Variants in ACO2 observed in about 807,000 individuals in gnomAD.
ACO2 encodes the protein aconitate hydratase, mitochondrial.
A neutral mutation model predicts 84.5 loss-of-function variants in ACO2; 31 were observed. That is an observed-to-expected ratio of 0.37 (90% CI 0.28 to 0.50). ACO2 has a LOEUF of 0.50. Among genes scored for constraint, ACO2 ranks in the 20% least tolerant of loss-of-function variants. The probability of loss-of-function intolerance (pLI) is 0.97; values close to 1 mark genes in which losing one functional copy is unlikely to be tolerated. For synonymous variants in ACO2, 414 were observed against 412.7 expected (o/e 1.00, Z -0.04); for missense variants, 685 against 1,029.3 (o/e 0.67, Z 4.58).
At chr22:41,508,475 C>G (rs1207839853) in intron 3 of ACO2, among the ~76,000 whole-genome samples, 2 of 152,152 alleles carry the variant, frequency 1.3e-5, no homozygotes, top group Non-Finnish European at 2.9e-5. Context: ...GGTAGGCGTG[C>G]TAGGGTCACT....
chr22:41,477,329 AT>A (rs1291030951), intron 1 of ACO2, among the ~76,000 whole-genome samples: 157 of 139,996 alleles, frequency 1.1e-3, no homozygotes, highest in Admixed American at 1.8e-3. Flanking sequence ...AATTTTTTGT[AT>A]TTTTTTTTTT....
At chr22:41,498,529 G>A (rs2066331379) in intron 1 of ACO2, among the ~76,000 whole-genome samples, 1 of 152,196 alleles carries the variant, frequency 6.6e-6, no homozygotes, top group Admixed American at 6.5e-5. Flanking sequence ...CTAGCCATCT[G>A]ACGGGTTGAA....
chr22:41,472,996 T>C (rs908146300), intron 1 of ACO2, among the ~76,000 whole-genome samples: 1 of 152,232 alleles, frequency 6.6e-6, no homozygotes, highest in Admixed American at 6.5e-5. Flanking sequence ...CTCTGTGCCA[T>C]GTTAAAATAA....
intron 9 of ACO2, 82 bp downstream of exon 9, chr22:41,520,358 A>C (rs1158374281): frequency 9.5e-7 from 1 of 1,047,272 alleles, no homozygotes; most frequent in African/African-American, 1.6e-5. Flanking sequence ...ACCTATGCCT[A>C]CTGTGTGGCA....
At chr22:41,511,173 T>C (rs1302416575) in intron 3 of ACO2, among the ~76,000 whole-genome samples, 1 of 152,082 alleles carries the variant, frequency 6.6e-6, no homozygotes, top group African/African-American at 2.4e-5. Context: ...TTATTTATTT[T>C]ATTCTTATTT....
intron 1 of ACO2, among the ~76,000 whole-genome samples, chr22:41,476,553 G>GA (rs2038016320): frequency 6.7e-6 from 1 of 149,956 alleles, no homozygotes; most frequent in Non-Finnish European, 1.5e-5. Flanking sequence ...ACTAAAAATA[G>GA]AAAAAAATTA....
intron 1 of ACO2, among the ~76,000 whole-genome samples, chr22:41,474,141 G>C (rs974126146): frequency 6.6e-6 from 1 of 151,978 alleles, no homozygotes; most frequent in African/African-American, 2.4e-5. Context: ...TGGAGATAAT[G>C]AGATGTATTC....
intron 3 of ACO2, among the ~76,000 whole-genome samples, chr22:41,509,413 C>G (rs2066417892): frequency 1.3e-5 from 2 of 152,040 alleles, no homozygotes; most frequent in African/African-American, 4.8e-5. Flanking sequence ...TGGGTGTGGA[C>G]ACTAAACAAT....
intron 2 of ACO2, among the ~76,000 whole-genome samples, chr22:41,502,400 C>T (rs2066359572): frequency 6.6e-6 from 1 of 152,170 alleles, no homozygotes; most frequent in Non-Finnish European, 1.5e-5. Context: ...ATGTGAGAAG[C>T]ACTGGCCCGT....
At position 41,515,596 on chromosome 22, in the gene ACO2, C is replaced by G; in HGVS notation, c.684+61C>G. 6.3e-7 allele frequency: 1 copy of G among 1,576,646 alleles called. No homozygotes were observed. The highest frequency in any genetic ancestry group is 2.2e-5 in the East Asian group (1 of 44,498). On this transcript the variant is annotated intron_variant, in intron 5 of 17. Transcript: ENST00000216254. This position sits in a 1 kb window ranked among gnomAD's most constrained non-coding sequence, Gnocchi z 5.8. ...TGGGGTGGTGGTTGGTGGGGATGAACGGGAGACGGTGGGACCCAGGAGGGA... is the reference window on the plus strand; with the variant it reads ...TGGGGTGGTGGTTGGTGGGGATGAAGGGGAGACGGTGGGACCCAGGAGGGA...
chr22:41,528,175 T>A, intron 17 of ACO2, 153 bp downstream of exon 17: 1 of 1,245,848 alleles, frequency 8.0e-7, no homozygotes, highest in South Asian at 1.5e-5. Context: ...GAAAGCAAAG[T>A]GGCTTCTCAG....
At chr22:41,527,603 C>T in intron 16 of ACO2, 183 bp downstream of exon 16, 5 of 906,252 alleles carry the variant, frequency 5.5e-6, no homozygotes, top group Admixed American at 2.9e-5. Context: ...TTCCCGGCTT[C>T]CCGCAGGCCC....
At chr22:41,497,314 C>T (rs756170809) in intron 1 of ACO2, among the ~76,000 whole-genome samples, 3 of 152,158 alleles carry the variant, frequency 2.0e-5, no homozygotes, top group Non-Finnish European at 2.9e-5. Flanking sequence ...GGCGATCCAC[C>T]TGCCTCAGCC....
rs190805615 is a variant in ACO2 at position 41,509,191 on chromosome 22, A to G, written c.432+1142A>G. Reference sequence around the variant, plus strand: ...GCAGCCCTGGGGACAGCTGCCCACAACAGGGCTGCTACCTTCTGGGGCTGG... The same window carrying G: ...GCAGCCCTGGGGACAGCTGCCCACAGCAGGGCTGCTACCTTCTGGGGCTGG... On this transcript the variant is annotated intron_variant, in intron 3 of 17. Coordinates refer to ENST00000216254, the MANE Select transcript of ACO2 (RefSeq NM_001098.3). 6.9e-4 allele frequency among the ~76,000 whole-genome samples: 105 copies of G among 152,302 alleles called. 1 individual carries two copies. The East Asian group carries it at 0.019, about 27-fold the overall frequency.
chr22:41,518,355 C>T (rs907068922), intron 7 of ACO2, 126 bp from the exon 8 acceptor site: 4 of 699,944 alleles, frequency 5.7e-6, no homozygotes, highest in Non-Finnish European at 1.0e-5. Context: ...GCCTTGGTTT[C>T]TTCATTGGCC....
At chr22:41,509,233 T>C (rs2146117301) in intron 3 of ACO2, among the ~76,000 whole-genome samples, 1 of 152,316 alleles carries the variant, frequency 6.6e-6, no homozygotes, top group South Asian at 2.1e-4. Flanking sequence ...GCTTGCTTTA[T>C]GGGCTCAGAG....
intron 1 of ACO2, among the ~76,000 whole-genome samples, chr22:41,471,053 C>A (rs549440169): frequency 1.3e-5 from 2 of 151,854 alleles, no homozygotes; most frequent in Non-Finnish European, 2.9e-5. Flanking sequence ...GAGATCTGGG[C>A]TCTCTTTCCT....
intron 2 of ACO2, among the ~76,000 whole-genome samples, chr22:41,504,336 C>G (rs180826445): frequency 6.6e-6 from 1 of 152,252 alleles, no homozygotes; most frequent in African/African-American, 2.4e-5. Flanking sequence ...GGGTCTAAGT[C>G]TGTTCTTGAG....
chr22:41,527,388 C>T lies in ACO2; in HGVS notation c.2054C>T (p.Ala685Val). The T allele has an allele frequency of 1.2e-6, 2 of 1,613,264 alleles. No individual in the cohort carries two copies. Among genetic ancestry groups the T allele is most frequent in the Non-Finnish European group, 8.5e-7 (1 of 1,179,856 alleles). ...GAGCCTCGCCACCTTGGGGGCCGGG[C>T]CATCATCACCAAGAGCTTTGCCAGG... The part of the protein sequence containing the change: ...ALEPRHLGGR[A>V]IITKSFARIH... The change falls in exon 16 of 18, where the codon GCC (alanine) becomes GTC (valine). Residue 685 changes from alanine to valine, a missense_variant. Coordinates refer to ENST00000216254, the MANE Select transcript of ACO2 (RefSeq NM_001098.3).
Sources: allele counts gnomAD v4.1 joint callset (sites outside exome capture counted in the v4.1 genomes callset), GRCh38; gene constraint gnomAD v4.1.1; non-coding constraint Gnocchi (gnomAD v3.1); transcripts MANE v1.5; gene names NCBI Gene and HGNC (gene_info 2026-07-23, HGNC 2026-07-21).